The following KHDRBS2 variants were observed in gnomAD, a reference collection of about 807,000 sequenced individuals.
KHDRBS2 encodes the protein KH domain-containing, RNA-binding, signal transduction-associated protein 2.
A neutral mutation model predicts 44.3 loss-of-function variants in KHDRBS2; 26 were observed. That is an observed-to-expected ratio of 0.59 (90% CI 0.43 to 0.81). The LOEUF is 0.81. Among genes scored for constraint, KHDRBS2 ranks in the 40% least tolerant of loss-of-function variants. The pLI is 0.00. For synonymous variants in KHDRBS2, 194 were observed against 151.1 expected (o/e 1.28, Z -2.08); for missense variants, 476 against 433.1 (o/e 1.10, Z -0.88).
At chr6:61,782,795 G>A (rs1223419484) in intron 6 of KHDRBS2, among the ~76,000 whole-genome samples, 2 of 144,036 alleles carry the variant, frequency 1.4e-5, no homozygotes, top group South Asian at 4.5e-4. Context: ...ATATATGGTC[G>A]GTCTGATCTA....
chr6:61,729,714 G>T (rs1394564449), intron 7 of KHDRBS2, among the ~76,000 whole-genome samples: 9 of 152,064 alleles, frequency 5.9e-5, no homozygotes, highest in African/African-American at 2.2e-4. Flanking sequence ...CATATTTTTA[G>T]ACTCTTATTT....
chr6:61,832,583 A>G (rs1382685611), intron 6 of KHDRBS2, among the ~76,000 whole-genome samples: 1 of 151,586 alleles, frequency 6.6e-6, no homozygotes, highest in Non-Finnish European at 1.5e-5. Flanking sequence ...TGGGAGGGAC[A>G]TGAGAAAAAA....
intron 6 of KHDRBS2, among the ~76,000 whole-genome samples, chr6:61,837,312 T>A (rs765702844): frequency 6.6e-6 from 1 of 152,014 alleles, no homozygotes; most frequent in Non-Finnish European, 1.5e-5. Flanking sequence ...ATATGAATGA[T>A]TTTGCATGCT....
At chr6:62,235,115 T>C (rs1161795073) in intron 1 of KHDRBS2, among the ~76,000 whole-genome samples, 1 of 142,736 alleles carries the variant, frequency 7.0e-6, no homozygotes. Flanking sequence ...TAAGGAAACA[T>C]TGGACTAATG....
intron 1 of KHDRBS2, among the ~76,000 whole-genome samples, chr6:62,199,412 G>A (rs1271662367): frequency 2.0e-5 from 3 of 152,212 alleles, no homozygotes; most frequent in East Asian, 1.9e-4. Context: ...AAATCAATGT[G>A]CAAAAATCAC....
chr6:61,729,367 G>A (rs1304148246), intron 7 of KHDRBS2, among the ~76,000 whole-genome samples: 1 of 152,034 alleles, frequency 6.6e-6, no homozygotes, highest in Non-Finnish European at 1.5e-5. Flanking sequence ...AAGAACTGAT[G>A]GTACGAGGCT....
chr6:61,955,078 GTA>G (rs1562516374), intron 4 of KHDRBS2, among the ~76,000 whole-genome samples: 1 of 138,704 alleles, frequency 7.2e-6, no homozygotes, highest in African/African-American at 2.6e-5. Context: ...ATATACGTGT[GTA>G]TGTATGCATA....
chr6:62,048,121 TACACACACACACACACAC>T, intron 2 of KHDRBS2, 127 bp from the exon 3 acceptor site: 1 of 389,606 alleles, frequency 2.6e-6, no homozygotes, highest in East Asian at 4.5e-5. Flanking sequence ...GCCATAAACA[TACACACACACACACACAC>T]ACACACACAC....
intron 7 of KHDRBS2, among the ~76,000 whole-genome samples, chr6:61,731,137 G>C (rs764719017): frequency 6.6e-6 from 1 of 151,990 alleles, no homozygotes; most frequent in Non-Finnish European, 1.5e-5. Flanking sequence ...CTATTTTTAT[G>C]TGCTAATGTA....
At chr6:61,797,682 G>T (rs1183847628) in intron 6 of KHDRBS2, among the ~76,000 whole-genome samples, 1 of 150,838 alleles carries the variant, frequency 6.6e-6, no homozygotes, top group Non-Finnish European at 1.5e-5. Context: ...TCCTAAGAAA[G>T]AACAAAATAA....
chr6:61,569,596 AC>A, the KHDRBS2 span, among the ~76,000 whole-genome samples: 10 of 152,192 alleles, frequency 6.6e-5, no homozygotes, highest in African/African-American at 2.2e-4. Flanking sequence ...CGACAACTTC[AC>A]AGCTAGCATA....
intron 4 of KHDRBS2, among the ~76,000 whole-genome samples, chr6:61,950,675 A>C (rs1236073106): frequency 6.6e-6 from 1 of 152,036 alleles, no homozygotes; most frequent in Non-Finnish European, 1.5e-5. Flanking sequence ...AATGCATAAA[A>C]CGAGGTATCT....
intron 1 of KHDRBS2, among the ~76,000 whole-genome samples, chr6:62,231,093 T>C (rs770263868): frequency 7.9e-5 from 12 of 152,238 alleles, no homozygotes; most frequent in Non-Finnish European, 1.5e-4. Context: ...CAGATTTTCA[T>C]TTAATATAAT....
chr6:61,548,989 C>T, the KHDRBS2 span, among the ~76,000 whole-genome samples: 3 of 152,014 alleles, frequency 2.0e-5, no homozygotes, highest in African/African-American at 7.2e-5. Flanking sequence ...AAAAAAAAGT[C>T]CCCCAGAGTG....
chr6:62,131,668 A>G (rs1012729547), intron 2 of KHDRBS2, among the ~76,000 whole-genome samples: 1 of 152,120 alleles, frequency 6.6e-6, no homozygotes, highest in Non-Finnish European at 1.5e-5. Context: ...CTGGTTTCCT[A>G]TTGGGGTCCT....
chr6:61,835,186 C>T (rs753742907), intron 6 of KHDRBS2, among the ~76,000 whole-genome samples: 1 of 151,958 alleles, frequency 6.6e-6, no homozygotes, highest in African/African-American at 2.4e-5. Context: ...CAAAATCCAC[C>T]GCTGACATTT....
chr6:62,153,892 A>G (rs1047348586), intron 2 of KHDRBS2, among the ~76,000 whole-genome samples: 15 of 152,190 alleles, frequency 9.9e-5, no homozygotes, highest in Non-Finnish European at 2.2e-4. Flanking sequence ...AGTCTCAGGC[A>G]TTTCTCACAC....
intron 6 of KHDRBS2, among the ~76,000 whole-genome samples, chr6:61,843,595 C>T (rs777440613): frequency 3.3e-4 from 50 of 151,880 alleles, no homozygotes; most frequent in Non-Finnish European, 2.9e-5. Flanking sequence ...AAACCCCTGA[C>T]CTCAAGTGAT....
At chr6:62,234,428 CT>C (rs1290246619) in intron 1 of KHDRBS2, among the ~76,000 whole-genome samples, 1 of 152,038 alleles carries the variant, frequency 6.6e-6, no homozygotes, top group South Asian at 2.1e-4. Flanking sequence ...ACTTAGAGAA[CT>C]TTTTATATGC....
Sources: allele counts gnomAD v4.1 joint callset (sites outside exome capture counted in the v4.1 genomes callset), GRCh38; gene constraint gnomAD v4.1.1; transcripts MANE v1.5; gene names NCBI Gene and HGNC (gene_info 2026-07-23, HGNC 2026-07-21).